PARD6B: variants seen among roughly 807,000 people sequenced by gnomAD.
PARD6B encodes the protein partitioning defective 6 homolog beta.
In PARD6B, 4 loss-of-function variants were observed where a neutral mutation model predicts 10.5. The observed-to-expected ratio is 0.38, with a 90% CI of 0.19 to 0.87. The LOEUF is 0.87. Among genes scored for constraint, PARD6B ranks in the 40% least tolerant of loss-of-function variants. The probability of loss-of-function intolerance (pLI) is 0.41; values close to 1 mark genes in which losing one functional copy is unlikely to be tolerated. For synonymous variants in PARD6B, 169 were observed against 170.4 expected, an observed-to-expected ratio of 0.99 and a Z score of 0.07; for missense variants, 396 against 470.6, an observed-to-expected ratio of 0.84 and a Z score of 1.47.
chr20:50,735,369 T>C (rs960683691), intron 1 of PARD6B, among the ~76,000 whole-genome samples: 4 of 152,224 alleles, frequency 2.6e-5, no homozygotes, highest in Non-Finnish European at 4.4e-5. Context: ...CTTGATGATG[T>C]CCTTTAATAA....
intron 2 of PARD6B, among the ~76,000 whole-genome samples, chr20:50,745,084 C>T (rs1434938067): frequency 1.3e-5 from 2 of 152,202 alleles, no homozygotes; most frequent in Non-Finnish European, 2.9e-5. Context: ...ATGAAGGGGT[C>T]TGCAAAATTT....
chr20:50,731,746 C>T lies in PARD6B; in HGVS notation c.-41C>T. 2 of 1,430,576 alleles carry T rather than the reference C, an allele frequency of 1.4e-6. No homozygotes were observed. The highest frequency in any genetic ancestry group is 1.8e-6 in the Non-Finnish European group (2 of 1,097,840). 88.6% of individuals were successfully genotyped at this position (1,430,576 alleles called of 1,614,324 possible). A position where few individuals can be genotyped will look rare whatever the true frequency, so the allele number is the denominator to read the frequency against. ...CTCGCTCCCCGCGCTCCTGAGGGGCCGCCCGGCCGGAGGAGGCCGTCGCGG... is the reference window on the plus strand; with the variant it reads ...CTCGCTCCCCGCGCTCCTGAGGGGCTGCCCGGCCGGAGGAGGCCGTCGCGG... On this transcript the variant is annotated 5_prime_UTR_variant, in exon 1 of 3. Transcript: ENST00000371610.
chr20:50,751,499 G>A lies in PARD6B; in HGVS notation c.*1011G>A. 1 of 747,002 alleles carries A rather than the reference G, an allele frequency of 1.3e-6. No individual in the cohort carries two copies. The highest frequency in any genetic ancestry group is 1.6e-6 in the Non-Finnish European group (1 of 613,556). The allele number at this position is 747,002 out of a possible 1,614,324, so 46.3% of individuals were successfully genotyped here. ...GCCTCCCAAGTAGCTGGGACTACAGGCGCCTGCCACCATGCCTGGCTAATT... is the reference window on the plus strand; with the variant it reads ...GCCTCCCAAGTAGCTGGGACTACAGACGCCTGCCACCATGCCTGGCTAATT... On this transcript the variant is annotated 3_prime_UTR_variant, in exon 3 of 3. Transcript: ENST00000371610.
At chr20:50,749,072 G>A (rs566944976) in intron 2 of PARD6B, among the ~76,000 whole-genome samples, 2 of 152,250 alleles carry the variant, frequency 1.3e-5, no homozygotes, top group East Asian at 1.9e-4. Context: ...GGCCAGGTGC[G>A]GTGGCTCACG....
intron 1 of PARD6B, among the ~76,000 whole-genome samples, chr20:50,732,697 A>G (rs2087478239): frequency 6.6e-6 from 1 of 152,226 alleles, no homozygotes; most frequent in Non-Finnish European, 1.5e-5. Context: ...AGGAGCTTAG[A>G]TAATCTAGCC....
chr20:50,736,098 G>C (rs2087498085), intron 1 of PARD6B, among the ~76,000 whole-genome samples: 1 of 152,192 alleles, frequency 6.6e-6, no homozygotes, highest in Non-Finnish European at 1.5e-5. Context: ...TATGTTTCAG[G>C]AATGTGTTTT....
At chr20:50,734,390 G>A (rs550819470) in intron 1 of PARD6B, among the ~76,000 whole-genome samples, 3 of 151,780 alleles carry the variant, frequency 2.0e-5, no homozygotes, top group East Asian at 1.9e-4. Flanking sequence ...TCTGTCACCC[G>A]GGCTGGAGTA....
Position 50,751,864 on chromosome 20 carries a change from G to C in PARD6B, c.*1376G>C. 2 of 873,734 alleles carry C rather than the reference G, an allele frequency of 2.3e-6. No homozygotes were observed. Among genetic ancestry groups the C allele is most frequent in the Non-Finnish European group, 2.7e-6 (2 of 728,858 alleles). The allele number at this position is 873,734 out of a possible 1,614,324, so 54.1% of individuals were successfully genotyped here. ...TTACAGGTGTGCGCCAACACGTCTG[G>C]CTTATTTTTTTGTATTTTTAGTAGA... On this transcript the variant is annotated 3_prime_UTR_variant, in exon 3 of 3. Coordinates refer to ENST00000371610, the MANE Select transcript of PARD6B (RefSeq NM_032521.3).
At chr20:50,743,215 G>A (rs2087540469) in intron 2 of PARD6B, among the ~76,000 whole-genome samples, 1 of 152,214 alleles carries the variant, frequency 6.6e-6, no homozygotes, top group African/African-American at 2.4e-5. Context: ...GCCAGGTGGA[G>A]GATCTGTTGA....
At position 50,750,444 on chromosome 20, in the gene PARD6B, G is replaced by C; in HGVS notation, c.1075G>C (p.Asp359His). The C allele has an allele frequency of 6.2e-7, 1 of 1,613,904 alleles. No homozygotes were observed. The highest frequency in any genetic ancestry group is 8.5e-7 in the Non-Finnish European group (1 of 1,179,950). ...SNTEFETHAP[D>H]QKLLEEDGTI... ...CACGGAATTTGAAACACATGCTCCA[G>C]ATCAAAAACTCTTAGAAGAAGATGG... Residue 359 changes from aspartate (D) to histidine (H), a missense_variant, in exon 3 of 3, where the codon GAT becomes CAT. This residue lies in a region of PARD6B where 188 missense variants were observed against 169.7 expected (regional missense o/e 1.11). Coordinates refer to ENST00000371610, the MANE Select transcript of PARD6B (RefSeq NM_032521.3).
Position 50,751,832 on chromosome 20 carries a change from G to C in PARD6B, c.*1344G>C. 2.2e-6 allele frequency: 2 copies of C among 902,064 alleles called. No homozygotes were observed. Among genetic ancestry groups the C allele is most frequent in the Non-Finnish European group, 1.3e-6 (1 of 755,504 alleles). 55.9% of individuals were successfully genotyped at this position (902,064 alleles called of 1,614,324 possible). A position where few individuals can be genotyped will look rare whatever the true frequency, so the allele number is the denominator to read the frequency against. The stretch of plus-strand genomic sequence containing the variant: ...TTCTCCTGCCTCAGCCTTCTGAGTA[G>C]CTAAGATTACAGGTGTGCGCCAACA... On this transcript the variant is annotated 3_prime_UTR_variant, in exon 3 of 3. Transcript: ENST00000371610.
At position 50,751,861 on chromosome 20, in the gene PARD6B, C is replaced by A; in HGVS notation, c.*1373C>A. On this transcript the variant is annotated 3_prime_UTR_variant, in exon 3 of 3. Coordinates refer to ENST00000371610, the MANE Select transcript of PARD6B (RefSeq NM_032521.3). ...AGATTACAGGTGTGCGCCAACACGT[C>A]TGGCTTATTTTTTTGTATTTTTAGT... The A allele has an allele frequency of 1.1e-6, 1 of 871,710 alleles. No individual in the cohort carries two copies. The highest frequency in any genetic ancestry group is 1.4e-6 in the Non-Finnish European group (1 of 726,952). The allele number at this position is 871,710 out of a possible 1,614,324, so 54.0% of individuals were successfully genotyped here. A position where few individuals can be genotyped will look rare whatever the true frequency, so the allele number is the denominator to read the frequency against.
chr20:50,741,874 A>C (rs2087532742), intron 2 of PARD6B, among the ~76,000 whole-genome samples: 1 of 152,054 alleles, frequency 6.6e-6, no homozygotes, highest in Non-Finnish European at 1.5e-5. Flanking sequence ...AAAGTTGAGC[A>C]GATGCTTAAC....
chr20:50,747,203 T>TTA (rs2087571965), intron 2 of PARD6B, among the ~76,000 whole-genome samples: 1 of 152,234 alleles, frequency 6.6e-6, no homozygotes, highest in Non-Finnish European at 1.5e-5. Context: ...ACTTGGAAGA[T>TTA]ACTAGCCTCG....
At chr20:50,731,921 G>C in intron 1 of PARD6B, 69 bp downstream of exon 1, 1 of 1,280,552 alleles carries the variant, frequency 7.8e-7, no homozygotes, top group Non-Finnish European at 9.9e-7. Context: ...GCCGGGCCAG[G>C]CTCGGAGCGC....
At chr20:50,733,008 C>G (rs764488647) in intron 1 of PARD6B, among the ~76,000 whole-genome samples, 1 of 152,048 alleles carries the variant, frequency 6.6e-6, no homozygotes. Flanking sequence ...AGGAAAGCTT[C>G]CTAGAGCCTC....
Position 50,731,779 on chromosome 20 carries a change from C to G in PARD6B, c.-8C>G, listed in dbSNP as rs946312206. ...CGGAGGAGGCCGTCGCGGGGCTCGG[C>G]GTTCAGCATGAACCGCAGCCACCGG... On this transcript the variant is annotated 5_prime_UTR_variant, in exon 1 of 3. Coordinates refer to ENST00000371610, the MANE Select transcript of PARD6B (RefSeq NM_032521.3). 2.8e-6 allele frequency: 4 copies of G among 1,453,994 alleles called. No homozygotes were observed. In the South Asian group the frequency reaches 5.3e-5, roughly 19 times the overall value. The allele number at this position is 1,453,994 out of a possible 1,614,324, so 90.1% of individuals were successfully genotyped here. A position where few individuals can be genotyped will look rare whatever the true frequency, so the allele number is the denominator to read the frequency against.
chr20:50,743,581 A>G (rs1242847297), intron 2 of PARD6B, among the ~76,000 whole-genome samples: 1 of 152,188 alleles, frequency 6.6e-6, no homozygotes, highest in African/African-American at 2.4e-5. Context: ...TGTAAATTAT[A>G]GTTTTAACAA....
chr20:50,752,350 G>A lies in PARD6B; in HGVS notation c.*1862G>A. 2.0e-6 allele frequency: 2 copies of A among 984,980 alleles called. No homozygotes were observed. Among genetic ancestry groups the A allele is most frequent in the Non-Finnish European group, 1.2e-6 (1 of 829,674 alleles). 61.0% of individuals were successfully genotyped at this position (984,980 alleles called of 1,614,324 possible). The stretch of plus-strand genomic sequence containing the variant: ...TTATGCCAAAAAAAAAAAAAATTGG[G>A]TTTTCCTTCATGGGATTTCTAGAAA... On this transcript the variant is annotated 3_prime_UTR_variant, in exon 3 of 3. Transcript: ENST00000371610.
Sources: allele counts gnomAD v4.1 joint callset (sites outside exome capture counted in the v4.1 genomes callset), GRCh38; gene constraint gnomAD v4.1.1; regional missense constraint gnomAD v4.1.1; transcripts MANE v1.5; gene names NCBI Gene and HGNC (gene_info 2026-07-23, HGNC 2026-07-21).